NYAP2: variants seen among roughly 807,000 people sequenced by gnomAD.
NYAP2 encodes the protein neuronal tyrosine-phosphorylated phosphoinositide-3-kinase adapter 2.
In NYAP2, 23 loss-of-function variants were observed where a neutral mutation model predicts 50.4. That is an observed-to-expected ratio of 0.46 (90% CI 0.33 to 0.65). NYAP2 has a LOEUF of 0.65. Ranked by LOEUF, NYAP2 falls within the 30% of genes least tolerant of loss-of-function variation. The pLI is 0.02. For synonymous variants in NYAP2, 394 were observed against 365.2 expected, an observed-to-expected ratio of 1.08 and a Z score of -0.90; for missense variants, 885 against 861.0, an observed-to-expected ratio of 1.03 and a Z score of -0.35.
At chr2:225,511,902 G>A (rs1407754500) in intron 3 of NYAP2, among the ~76,000 whole-genome samples, 2 of 152,152 alleles carry the variant, frequency 1.3e-5, no homozygotes, top group African/African-American at 4.8e-5. Flanking sequence ...TGTCTGGGAA[G>A]GTAGACTCAG....
At chr2:225,622,546 T>TTTCTTTC (rs1559232866) in intron 5 of NYAP2, among the ~76,000 whole-genome samples, 1 of 41,586 alleles carries the variant, frequency 2.4e-5, no homozygotes, top group Non-Finnish European at 4.8e-5. Flanking sequence ...TCTTTCTTTC[T>TTTCTTTC]TTCTTTCTTT....
At chr2:225,683,011 C>T in the NYAP2 span, among the ~76,000 whole-genome samples, 108 of 55,656 alleles carry the variant, frequency 1.9e-3, no homozygotes, top group Admixed American at 5.7e-3. Context: ...ATAGTCATTT[C>T]CCCCCCCCAT....
intron 4 of NYAP2, among the ~76,000 whole-genome samples, chr2:225,568,804 G>T (rs953896669): frequency 6.6e-6 from 1 of 152,158 alleles, no homozygotes; most frequent in African/African-American, 2.4e-5. Context: ...CTTTGAAGAG[G>T]TAACATTTAT....
rs530327453 is a variant in NYAP2 at position 225,650,944 on chromosome 2, A to G, written c.1829-488A>G. On this transcript the variant is annotated intron_variant, in intron 6 of 6. Transcript: ENST00000636099. ...AGTAAAAGTCTTGGAAGACAGTTAT[A>G]AAATTTAATGAAAATCAAGATGAGT... Among the ~76,000 whole-genome samples the G allele has an allele frequency of 2.6e-5, 4 of 152,368 alleles. No homozygotes were observed. In the South Asian group the frequency reaches 8.3e-4, roughly 32 times the overall value.
At chr2:225,603,276 G>A (rs1692727268) in intron 5 of NYAP2, among the ~76,000 whole-genome samples, 1 of 152,026 alleles carries the variant, frequency 6.6e-6, no homozygotes, top group Non-Finnish European at 1.5e-5. Flanking sequence ...TCTGTGCCAG[G>A]CATTATTCTA....
At chr2:225,622,567 CTTTCTTTCT>C (rs1424975027) in intron 5 of NYAP2, among the ~76,000 whole-genome samples, 1,968 of 60,634 alleles carry the variant, frequency 0.032, 23 homozygotes, top group South Asian at 0.047. Flanking sequence ...CTTTTTCTTT[CTTTCTTTCT>C]TTCTTCTTTC....
chr2:225,452,451 G>T (rs1009572227), intron 3 of NYAP2, among the ~76,000 whole-genome samples: 1 of 152,116 alleles, frequency 6.6e-6, no homozygotes, highest in Non-Finnish European at 1.5e-5. Context: ...TCCCCAAGCA[G>T]CTCATTTTAT....
chr2:225,512,859 TCCTTCC>T (rs1455641034), intron 3 of NYAP2, among the ~76,000 whole-genome samples: 22 of 83,974 alleles, frequency 2.6e-4, no homozygotes, highest in African/African-American at 6.5e-4. Flanking sequence ...CTTTCTTCCT[TCCTTCC>T]TTCCTTCCTT....
intron 3 of NYAP2, among the ~76,000 whole-genome samples, chr2:225,492,977 A>T (rs1242585575): frequency 6.6e-6 from 1 of 151,542 alleles, no homozygotes; most frequent in Non-Finnish European, 1.5e-5. Context: ...CTGACATAAT[A>T]TCTTTTATAG....
At chr2:225,443,481 C>T (rs1266647423) in intron 3 of NYAP2, among the ~76,000 whole-genome samples, 3 of 152,082 alleles carry the variant, frequency 2.0e-5, no homozygotes, top group East Asian at 1.9e-4. Flanking sequence ...CTGATATAAA[C>T]CAAGATCCTT....
At chr2:225,701,030 A>G in the NYAP2 span, 1 of 151,962 alleles carries the variant, frequency 6.6e-6, no homozygotes, top group Non-Finnish European at 1.5e-5. Flanking sequence ...TATTTCCGCA[A>G]ATCTCTACTT....
intron 4 of NYAP2, among the ~76,000 whole-genome samples, chr2:225,515,223 G>C (rs1690906837): frequency 6.6e-6 from 1 of 152,136 alleles, no homozygotes; most frequent in Non-Finnish European, 1.5e-5. Context: ...AAGTATATGT[G>C]GTTAAGACAC....
chr2:225,667,286 T>C, the NYAP2 span, among the ~76,000 whole-genome samples: 1 of 150,540 alleles, frequency 6.6e-6, no homozygotes, highest in Non-Finnish European at 1.5e-5. Flanking sequence ...TGTGTGTGAA[T>C]ATATAAATAT....
chr2:225,599,056 T>TTC (rs987759967), intron 5 of NYAP2, among the ~76,000 whole-genome samples: 2 of 151,668 alleles, frequency 1.3e-5, no homozygotes, highest in African/African-American at 2.4e-5. Flanking sequence ...CCACACCTCC[T>TTC]TCTCTCTCTC....
chr2:225,552,905 C>T (rs1416606638), intron 4 of NYAP2, among the ~76,000 whole-genome samples: 1 of 152,154 alleles, frequency 6.6e-6, no homozygotes, highest in Non-Finnish European at 1.5e-5. Context: ...CCAGGTTGGT[C>T]TCCAACTCCT....
At chr2:225,545,776 A>C (rs1691569690) in intron 4 of NYAP2, among the ~76,000 whole-genome samples, 1 of 152,042 alleles carries the variant, frequency 6.6e-6, no homozygotes, top group Admixed American at 6.6e-5. Context: ...TGGGGATTGA[A>C]GAGTTATGTA....
intron 6 of NYAP2, among the ~76,000 whole-genome samples, chr2:225,635,854 G>A (rs1693405180): frequency 6.6e-6 from 1 of 152,194 alleles, no homozygotes; most frequent in Non-Finnish European, 1.5e-5. Context: ...CTGCTTAGAA[G>A]CAATGAATAG....
chr2:225,637,503 T>C (rs1402504755), intron 6 of NYAP2, among the ~76,000 whole-genome samples: 1 of 152,186 alleles, frequency 6.6e-6, no homozygotes, highest in African/African-American at 2.4e-5. Flanking sequence ...CCAGTTCTAA[T>C]TGGGTGCTTG....
intron 4 of NYAP2, among the ~76,000 whole-genome samples, chr2:225,556,637 A>C (rs957593193): frequency 1.3e-5 from 2 of 152,136 alleles, no homozygotes; most frequent in African/African-American, 4.8e-5. Context: ...ATATTATTCT[A>C]TTGATCAGAA....
Sources: gnomAD v4.1 joint callset for allele counts (sites outside exome capture counted in the v4.1 genomes callset) on GRCh38, gnomAD v4.1.1 for gene constraint, MANE v1.5 for transcripts, NCBI Gene and HGNC (gene_info 2026-07-23, HGNC 2026-07-21) for gene names.